The following EYS variants were observed in gnomAD, a reference collection of about 807,000 sequenced individuals.
EYS encodes protein eyes shut homolog.
A neutral mutation model predicts 282.1 loss-of-function variants in EYS; 250 were observed. That is an observed-to-expected ratio of 0.89 (90% CI 0.80 to 0.98). EYS has a LOEUF of 0.98. Ranked by LOEUF, EYS falls within the 50% of genes least tolerant of loss-of-function variation. The pLI is 0.00. For synonymous variants in EYS, 1,355 were observed against 1,282.9 expected (o/e 1.06, Z -1.20); for missense variants, 4,016 against 3,709.0 (o/e 1.08, Z -2.15).
At chr6:64,200,505 C>CCA (rs1438259320) in intron 31 of EYS, among the ~76,000 whole-genome samples, 5 of 152,174 alleles carry the variant, frequency 3.3e-5, no homozygotes, top group Middle Eastern at 3.4e-3. Context: ...GTATTGCATA[C>CCA]TAGCCTATGG....
chr6:63,999,159 A>G lies in EYS; in HGVS notation c.6750T>C (p.Pro2250=). ...TIRYTTPVGS[P]GVVCMIEMTA... ...TCATTTCAATCATACAAACAACTCC[A>G]GGGCTGCCAACAGGCGTTGTGTAGC... Residue 2250 remains proline (P), a synonymous_variant, in exon 34 of 43, where the codon CCT becomes CCC. Transcript: ENST00000503581. The G allele has an allele frequency of 6.4e-7, 1 of 1,551,484 alleles. No individual in the cohort carries two copies. The highest frequency in any genetic ancestry group is 8.7e-7 in the Non-Finnish European group (1 of 1,146,772).
At chr6:64,157,784 C>T (rs556202265) in intron 31 of EYS, among the ~76,000 whole-genome samples, 2 of 152,306 alleles carry the variant, frequency 1.3e-5, no homozygotes, top group South Asian at 2.1e-4. Context: ...TGCCTGGATG[C>T]CCAGGCAGAA....
intron 12 of EYS, among the ~76,000 whole-genome samples, chr6:65,069,970 T>G (rs1302198650): frequency 6.6e-6 from 1 of 151,972 alleles, no homozygotes; most frequent in African/African-American, 2.4e-5. Context: ...GTCAGAAAAC[T>G]GATGTTTCTT....
chr6:65,491,847 T>C (rs766889192), intron 4 of EYS, among the ~76,000 whole-genome samples: 4 of 152,074 alleles, frequency 2.6e-5, no homozygotes, highest in Non-Finnish European at 5.9e-5. Context: ...TAAGGTTAAA[T>C]AAGGTCAGTA....
At chr6:65,233,389 T>C (rs1766839865) in intron 12 of EYS, among the ~76,000 whole-genome samples, 1 of 152,160 alleles carries the variant, frequency 6.6e-6, no homozygotes, top group South Asian at 2.1e-4. Flanking sequence ...CTGAATTAAC[T>C]CTGTGAGGGA....
At chr6:64,686,761 A>ATATG (rs1407449852) in intron 22 of EYS, among the ~76,000 whole-genome samples, 1,248 of 19,456 alleles carry the variant, frequency 0.064, 276 homozygotes, top group Non-Finnish European at 0.14. Context: ...ATATATATAT[A>ATATG]TGTGTGTATA....
intron 35 of EYS, among the ~76,000 whole-genome samples, chr6:63,867,815 A>G (rs1772705064): frequency 6.6e-6 from 1 of 152,090 alleles, no homozygotes; most frequent in Admixed American, 6.6e-5. Context: ...GCCCTCTGAG[A>G]TTCTGATTTA....
chr6:64,340,804 A>G (rs1381992271), intron 29 of EYS, among the ~76,000 whole-genome samples: 2 of 151,840 alleles, frequency 1.3e-5, no homozygotes, highest in African/African-American at 4.8e-5. Flanking sequence ...GAAAATATTT[A>G]CAAACTATAC....
At chr6:64,969,846 C>CT in intron 14 of EYS, among the ~76,000 whole-genome samples, 1 of 152,210 alleles carries the variant, frequency 6.6e-6, no homozygotes, top group South Asian at 2.1e-4. Flanking sequence ...TCTCAAAGGC[C>CT]TAGTAGAATT....
At chr6:65,328,766 T>C (rs1769695398) in intron 11 of EYS, among the ~76,000 whole-genome samples, 1 of 151,180 alleles carries the variant, frequency 6.6e-6, no homozygotes, top group Admixed American at 6.6e-5. Flanking sequence ...ATCATTTATG[T>C]TTTTAATGAA....
chr6:65,524,824 A>G (rs1767495976), intron 2 of EYS, among the ~76,000 whole-genome samples: 1 of 152,244 alleles, frequency 6.6e-6, no homozygotes, highest in Non-Finnish European at 1.5e-5. Context: ...TAGCAAGAAC[A>G]AAATGCTGCC....
chr6:64,822,350 T>A (rs1024438202), intron 20 of EYS, among the ~76,000 whole-genome samples: 2 of 152,062 alleles, frequency 1.3e-5, no homozygotes, highest in African/African-American at 4.8e-5. Context: ...TGTCTCATCA[T>A]CTTACCTGCT....
intron 22 of EYS, among the ~76,000 whole-genome samples, chr6:64,716,073 T>TA (rs1316653211): frequency 6.6e-6 from 1 of 152,202 alleles, no homozygotes; most frequent in East Asian, 1.9e-4. Flanking sequence ...ACGTGTGAGT[T>TA]AAGGGTGTAT....
intron 12 of EYS, among the ~76,000 whole-genome samples, chr6:65,178,212 G>T (rs1428067376): frequency 6.6e-6 from 1 of 151,844 alleles, no homozygotes; most frequent in East Asian, 2.0e-4. Context: ...TTTCCCTCTA[G>T]CTCCTGCCTC....
At chr6:65,610,878 A>C (rs996886516) in intron 2 of EYS, among the ~76,000 whole-genome samples, 3 of 152,094 alleles carry the variant, frequency 2.0e-5, no homozygotes, top group Non-Finnish European at 1.5e-5. Flanking sequence ...GCTCATTAGT[A>C]GTCATAGGAC....
At chr6:64,546,541 A>C (rs1205004835) in intron 26 of EYS, among the ~76,000 whole-genome samples, 1 of 152,224 alleles carries the variant, frequency 6.6e-6, no homozygotes, top group Non-Finnish European at 1.5e-5. Flanking sequence ...TAAACTAAAG[A>C]GCTTCTGCCC....
At chr6:64,781,630 A>G (rs979300429) in intron 22 of EYS, among the ~76,000 whole-genome samples, 1 of 151,982 alleles carries the variant, frequency 6.6e-6, no homozygotes, top group Non-Finnish European at 1.5e-5. Flanking sequence ...ACCACACAAC[A>G]AATCCAGATA....
intron 1 of EYS, among the ~76,000 whole-genome samples, chr6:65,695,811 T>C (rs946287731): frequency 6.6e-6 from 1 of 151,980 alleles, no homozygotes; most frequent in Non-Finnish European, 1.5e-5. Context: ...TATATAAACA[T>C]AGTTATATAA....
Position 65,490,585 on chromosome 6 carries a change from A to AT in EYS, c.862+8dup, listed in dbSNP as rs765099457. On this transcript the variant is annotated intron_variant, in intron 5 of 42. Transcript: ENST00000503581. ...TGTGTATATGGTTGTATACATATGCATTTTTTACCTGAAAATTGCTCATCA... is the reference window on the plus strand; with the variant it reads ...TGTGTATATGGTTGTATACATATGCATTTTTTTACCTGAAAATTGCTCATCA... The AT allele has an allele frequency of 6.6e-7, 1 of 1,510,618 alleles. No homozygotes were observed. Among genetic ancestry groups the AT allele is most frequent in the Non-Finnish European group, 9.2e-7 (1 of 1,086,504 alleles). The allele number at this position is 1,510,618 out of a possible 1,614,324, so 93.6% of individuals were successfully genotyped here. A position where few individuals can be genotyped will look rare whatever the true frequency, so the allele number is the denominator to read the frequency against.
Sources: allele counts gnomAD v4.1 joint callset (sites outside exome capture counted in the v4.1 genomes callset), GRCh38; gene constraint gnomAD v4.1.1; transcripts MANE v1.5; gene names NCBI Gene and HGNC (gene_info 2026-07-23, HGNC 2026-07-21).